PCDH15: variants seen among roughly 807,000 people sequenced by gnomAD.
PCDH15 encodes protocadherin-15.
PCDH15 carries 129 observed loss-of-function variants against 178.5 expected under a neutral mutation model. The observed-to-expected ratio is 0.72, with a 90% CI of 0.63 to 0.84. The LOEUF (loss-of-function observed/expected upper bound fraction) is 0.84, where lower values mean the gene tolerates loss of function less well. Ranked by LOEUF, PCDH15 falls within the 40% of genes least tolerant of loss-of-function variation. The pLI, the probability that PCDH15 is intolerant of heterozygous loss-of-function variation, is 0.00. For synonymous variants in PCDH15, 800 were observed against 732.0 expected, an observed-to-expected ratio of 1.09 and a Z score of -1.50; for missense variants, 2,230 against 2,099.9, an observed-to-expected ratio of 1.06 and a Z score of -1.21.
chr10:55,150,064 G>T (rs12249682), intron 2 of PCDH15, among the ~76,000 whole-genome samples: 4 of 108,874 alleles, frequency 3.7e-5, no homozygotes, highest in African/African-American at 9.6e-5. Flanking sequence ...GAAGTGAAGA[G>T]GAGAGGAGGG....
intron 3 of PCDH15, among the ~76,000 whole-genome samples, chr10:54,514,516 G>A (rs1206748950): frequency 1.3e-5 from 2 of 151,322 alleles, no homozygotes; most frequent in African/African-American, 4.9e-5. Context: ...AAAAAAAAAT[G>A]AAAGCAAGGA....
chr10:54,350,940 CT>C, intron 5 of PCDH15, among the ~76,000 whole-genome samples: 1 of 151,878 alleles, frequency 6.6e-6, no homozygotes, highest in East Asian at 2.0e-4. Flanking sequence ...CCTGTCTCTA[CT>C]AAAAATACAA....
chr10:54,310,509 T>A (rs757083659), intron 8 of PCDH15, among the ~76,000 whole-genome samples: 3 of 152,026 alleles, frequency 2.0e-5, no homozygotes, highest in Admixed American at 6.6e-5. Flanking sequence ...AAATCAATAA[T>A]GACCACAGGA....
At chr10:54,509,088 A>G (rs12251982) in intron 3 of PCDH15, among the ~76,000 whole-genome samples, 2,966 of 152,196 alleles carry the variant, frequency 0.019, 105 homozygotes, top group African/African-American at 0.067. Flanking sequence ...AGAGAATTTC[A>G]GATTTCAAAT....
intron 5 of PCDH15, among the ~76,000 whole-genome samples, chr10:54,367,334 G>T (rs1466264170): frequency 6.6e-6 from 1 of 151,880 alleles, no homozygotes; most frequent in Non-Finnish European, 1.5e-5. Context: ...CTTTTGAAAA[G>T]TAGAGTTGCA....
chr10:54,295,329 G>C (rs1457065109), intron 8 of PCDH15, among the ~76,000 whole-genome samples: 1 of 152,204 alleles, frequency 6.6e-6, no homozygotes, highest in South Asian at 2.1e-4. Flanking sequence ...TCAGCACTCT[G>C]TAAAATGGGC....
At chr10:54,585,554 C>G in intron 2 of PCDH15, 1 of 228,426 alleles carries the variant, frequency 4.4e-6, no homozygotes, top group South Asian at 5.0e-5. Context: ...GTAGGCTAAC[C>G]AATAGTTAAC....
At chr10:54,164,193 T>A (rs1460011523) in intron 13 of PCDH15, among the ~76,000 whole-genome samples, 1 of 152,298 alleles carries the variant, frequency 6.6e-6, no homozygotes, top group East Asian at 1.9e-4. Context: ...ATGACTACTC[T>A]GGTAATGTAA....
intron 2 of PCDH15, among the ~76,000 whole-genome samples, chr10:55,464,112 C>G (rs1445413737): frequency 6.6e-6 from 1 of 151,752 alleles, no homozygotes; most frequent in Non-Finnish European, 1.5e-5. Flanking sequence ...GACACATAAA[C>G]AGAAGACTCT....
chr10:55,426,557 C>T (rs190960083), intron 2 of PCDH15, among the ~76,000 whole-genome samples: 1 of 152,114 alleles, frequency 6.6e-6, no homozygotes, highest in Admixed American at 6.5e-5. Flanking sequence ...CTCTTTAGCT[C>T]GGCCGTCCAT....
intron 13 of PCDH15, among the ~76,000 whole-genome samples, chr10:54,169,036 A>T (rs202237388): frequency 4.4e-4 from 66 of 150,790 alleles, no homozygotes; most frequent in African/African-American, 7.1e-4. Flanking sequence ...CTACACATGC[A>T]GGAAATCTGG....
intron 2 of PCDH15, among the ~76,000 whole-genome samples, chr10:55,608,338 T>G (rs1313273157): frequency 6.7e-6 from 1 of 149,454 alleles, no homozygotes; most frequent in African/African-American, 2.5e-5. Context: ...AGAGGAGAGA[T>G]AATAAAATAC....
intron 15 of PCDH15, among the ~76,000 whole-genome samples, chr10:54,090,909 T>C (rs1186170568): frequency 1.3e-5 from 2 of 152,178 alleles, no homozygotes; most frequent in Non-Finnish European, 2.9e-5. Context: ...AGAGGTTTAA[T>C]TGAAATAATA....
intron 1 of PCDH15, among the ~76,000 whole-genome samples, chr10:55,277,309 T>G (rs1196583873): frequency 6.6e-6 from 1 of 152,054 alleles, no homozygotes; most frequent in Non-Finnish European, 1.5e-5. Context: ...GATTAGTATA[T>G]TAACTGTATA....
chr10:54,745,945 G>A (rs1427548681), intron 1 of PCDH15, among the ~76,000 whole-genome samples: 2 of 152,080 alleles, frequency 1.3e-5, no homozygotes, highest in Non-Finnish European at 2.9e-5. Flanking sequence ...TAGATAATAG[G>A]AAAACTTATT....
intron 2 of PCDH15, among the ~76,000 whole-genome samples, chr10:55,052,785 T>C (rs1316170310): frequency 6.6e-6 from 1 of 152,092 alleles, no homozygotes; most frequent in East Asian, 1.9e-4. Context: ...GTCAAGTCTT[T>C]AGTGGCTCAT....
intron 14 of PCDH15, among the ~76,000 whole-genome samples, chr10:54,141,280 G>A (rs1193125385): frequency 6.6e-6 from 1 of 151,992 alleles, no homozygotes; most frequent in African/African-American, 2.4e-5. Flanking sequence ...ATTGATGAAG[G>A]ACAGCAGCCA....
intron 2 of PCDH15, among the ~76,000 whole-genome samples, chr10:55,113,414 TAAAA>T (rs937325132): frequency 7.2e-6 from 1 of 139,166 alleles, no homozygotes; most frequent in African/African-American, 2.6e-5. Flanking sequence ...AGTTCCATGC[TAAAA>T]AAAAAAAAGG....
chr10:55,586,186 A>T (rs1332497811), intron 2 of PCDH15, among the ~76,000 whole-genome samples: 1 of 152,168 alleles, frequency 6.6e-6, no homozygotes, highest in Non-Finnish European at 1.5e-5. Context: ...ATATAGAAAC[A>T]GATGCCAAAG....
Sources: allele counts gnomAD v4.1 joint callset (sites outside exome capture counted in the v4.1 genomes callset), GRCh38; gene constraint gnomAD v4.1.1; transcripts MANE v1.5; gene names NCBI Gene and HGNC (gene_info 2026-07-23, HGNC 2026-07-21).